The following VPS54 variants were observed in gnomAD, a reference collection of about 807,000 sequenced individuals.
VPS54 encodes vacuolar protein sorting-associated protein 54.
Under a neutral mutation model 121.5 loss-of-function variants are expected in VPS54, and 45 were observed. That is an observed-to-expected ratio of 0.37 (90% CI 0.29 to 0.47). The LOEUF (loss-of-function observed/expected upper bound fraction) is 0.47, where lower values mean the gene tolerates loss of function less well. Among genes scored for constraint, VPS54 ranks in the 20% least tolerant of loss-of-function variants. VPS54 has a pLI of 0.99. For missense variants in VPS54, 1,090 were observed against 1,131.4 expected (o/e 0.96, Z 0.52); for synonymous variants, 371 against 385.8 (o/e 0.96, Z 0.45).
intron 6 of VPS54, among the ~76,000 whole-genome samples, chr2:63,963,340 G>A (rs1675854276): frequency 6.6e-6 from 1 of 151,968 alleles, no homozygotes; most frequent in Non-Finnish European, 1.5e-5. Context: ...TTCAAATATG[G>A]ACTTCTAAAA....
chr2:63,981,399 T>C (rs1438228831), intron 3 of VPS54, among the ~76,000 whole-genome samples: 1 of 152,138 alleles, frequency 6.6e-6, no homozygotes, highest in Non-Finnish European at 1.5e-5. Context: ...GTAAGCAGGG[T>C]AGGTTTCATG....
chr2:64,007,114 C>T (rs1259899160), intron 1 of VPS54, among the ~76,000 whole-genome samples: 1 of 152,082 alleles, frequency 6.6e-6, no homozygotes, highest in Non-Finnish European at 1.5e-5. Context: ...CAAACTAAAC[C>T]AATATGGGCA....
At chr2:63,972,318 C>T in intron 3 of VPS54, 74 bp from the exon 4 acceptor site, 1 of 1,046,730 alleles carries the variant, frequency 9.6e-7, no homozygotes. Flanking sequence ...TGTTTTGCAA[C>T]AGAATATCAG....
At chr2:63,909,412 CCTTTTTT>C (rs1323817059) in intron 20 of VPS54, among the ~76,000 whole-genome samples, 9 of 125,690 alleles carry the variant, frequency 7.2e-5, no homozygotes, top group South Asian at 2.4e-4. Context: ...TTATTAGCTG[CCTTTTTT>C]TTTTTTTTTT....
chr2:63,980,991 A>G (rs1486163415), intron 3 of VPS54, among the ~76,000 whole-genome samples: 2 of 152,112 alleles, frequency 1.3e-5, no homozygotes, highest in African/African-American at 4.8e-5. Context: ...CCATATTCAA[A>G]AAAGTGCAAA....
At chr2:63,974,188 A>G (rs1275395531) in intron 3 of VPS54, among the ~76,000 whole-genome samples, 1 of 152,168 alleles carries the variant, frequency 6.6e-6, no homozygotes, top group Non-Finnish European at 1.5e-5. Context: ...TAGTTGTTTC[A>G]GTACCATTTG....
intron 9 of VPS54, among the ~76,000 whole-genome samples, chr2:63,944,994 C>T (rs1674912202): frequency 6.6e-6 from 1 of 152,106 alleles, no homozygotes; most frequent in African/African-American, 2.4e-5. Context: ...CCTCAAAGAC[C>T]TAAAGAGAGA....
At chr2:63,914,070 T>C (rs1673269540) in intron 17 of VPS54, 112 bp downstream of exon 17, 2 of 1,071,648 alleles carry the variant, frequency 1.9e-6, no homozygotes, top group East Asian at 4.9e-5. Flanking sequence ...GTTATAAAAC[T>C]AATGTCTTAA....
At chr2:64,012,063 TTTAA>T (rs746171116) in intron 1 of VPS54, among the ~76,000 whole-genome samples, 28 of 152,298 alleles carry the variant, frequency 1.8e-4, no homozygotes, top group South Asian at 4.1e-4. Flanking sequence ...AAATTAGTAT[TTTAA>T]TTAATCACTC....
chr2:63,962,169 T>C lies in VPS54; in HGVS notation c.899A>G (p.Gln300Arg). Residue 300 changes from glutamine to arginine, a missense_variant, in exon 7 of 23, where the codon CAG becomes CGG. Around this residue, in one of 2 missense-constraint regions of VPS54, gnomAD observed 801 missense variants for 757.0 expected, o/e 1.06. Coordinates refer to ENST00000272322, the MANE Select transcript of VPS54 (RefSeq NM_016516.3). ...LKLMATVHQT[Q>R]PTVQVLLSTS... is the part of the protein sequence containing the mutation. Reference sequence around the variant, plus strand: ...AGATAATAACACCTGTACTGTAGGCTGAGTCTGGTGTACAGTGGCCATTAA... The same window carrying C: ...AGATAATAACACCTGTACTGTAGGCCGAGTCTGGTGTACAGTGGCCATTAA... The C allele has an allele frequency of 6.2e-7, 1 of 1,613,966 alleles. No individual in the cohort carries two copies. Among genetic ancestry groups the C allele is most frequent in the Non-Finnish European group, 8.5e-7 (1 of 1,179,818 alleles).
At chr2:64,000,439 T>C (rs1182802710) in intron 1 of VPS54, among the ~76,000 whole-genome samples, 1 of 152,230 alleles carries the variant, frequency 6.6e-6, no homozygotes, top group Non-Finnish European at 1.5e-5. Context: ...CTGGATGATG[T>C]AGATGGGTGT....
chr2:63,975,033 A>T, intron 3 of VPS54: 1 of 1,549,064 alleles, frequency 6.5e-7, no homozygotes, highest in Middle Eastern at 1.7e-4. Flanking sequence ...CATTAGCTAC[A>T]GAGTTTTTGT....
rs189087016 is a variant in VPS54 at position 64,005,863 on chromosome 2, A to C, written c.-21+13075T>G. 1.7e-4 allele frequency among the ~76,000 whole-genome samples: 26 copies of C among 152,316 alleles called. 1 individual carries two copies. In the East Asian group the frequency reaches 3.3e-3, roughly 19 times the overall value. On this transcript the variant is annotated intron_variant, in intron 1 of 22. Coordinates refer to ENST00000272322, the MANE Select transcript of VPS54 (RefSeq NM_016516.3). ...CTACAGACCCTACAAGAGTCTGTGA[A>C]CTCAAGGTTCAGCACCCTTGCTCTA... is the stretch of plus-strand genomic sequence containing the variant.
intron 12 of VPS54, among the ~76,000 whole-genome samples, chr2:63,927,767 G>C (rs1364000828): frequency 1.3e-5 from 2 of 152,158 alleles, no homozygotes; most frequent in African/African-American, 4.8e-5. Context: ...AACCTTGAAA[G>C]AAGATTAGAT....
chr2:63,928,836 C>CAAA (rs1383479805), intron 12 of VPS54, among the ~76,000 whole-genome samples: 3 of 64,266 alleles, frequency 4.7e-5, no homozygotes, highest in Admixed American at 1.8e-4. Context: ...AAATGGAAAG[C>CAAA]AAAAAAAAAA....
chr2:63,978,173 A>G (rs1434117088), intron 3 of VPS54, among the ~76,000 whole-genome samples: 2 of 152,220 alleles, frequency 1.3e-5, no homozygotes, highest in African/African-American at 4.8e-5. Flanking sequence ...TTTTGTTGTG[A>G]GAACGGAAGT....
intron 1 of VPS54, among the ~76,000 whole-genome samples, chr2:64,018,487 T>C (rs1017773599): frequency 1.3e-5 from 2 of 152,064 alleles, no homozygotes; most frequent in Non-Finnish European, 2.9e-5. Context: ...AAATGCAAAA[T>C]ACTGAGTAAC....
chr2:63,912,294 G>A, intron 20 of VPS54, 51 bp downstream of exon 20: 2 of 1,433,836 alleles, frequency 1.4e-6, no homozygotes, highest in Non-Finnish European at 1.9e-6. Flanking sequence ...TTATAAAATA[G>A]AAAATCATAA....
chr2:63,984,962 AAAAAC>A (rs1440971443), intron 1 of VPS54, among the ~76,000 whole-genome samples: 1 of 152,216 alleles, frequency 6.6e-6, no homozygotes, highest in East Asian at 1.9e-4. Flanking sequence ...ACAAGTCTAA[AAAAAC>A]AAAACAAAAC....
Sources: gnomAD v4.1 joint callset for allele counts (sites outside exome capture counted in the v4.1 genomes callset) on GRCh38, gnomAD v4.1.1 for gene constraint, gnomAD v4.1.1 regional missense constraint, MANE v1.5 for transcripts, NCBI Gene and HGNC (gene_info 2026-07-23, HGNC 2026-07-21) for gene names.